The following MEIS2 variants were observed in gnomAD, a reference collection of about 807,000 sequenced individuals.
MEIS2 encodes the protein Meis homeobox 2.
Under a neutral mutation model 58.6 loss-of-function variants are expected in MEIS2, and 9 were observed. That is an observed-to-expected ratio of 0.15 (90% CI 0.09 to 0.27). MEIS2 has a LOEUF of 0.27. MEIS2 is among the 10% of genes least tolerant of loss of function. The probability of loss-of-function intolerance (pLI) is 1.00; values close to 1 mark genes in which losing one functional copy is unlikely to be tolerated. For synonymous variants in MEIS2, 221 were observed against 228.4 expected (o/e 0.97, Z 0.29); for missense variants, 427 against 635.0 (o/e 0.67, Z 3.52).
chr15:37,076,141 A>G (rs1891378668), intron 7 of MEIS2, among the ~76,000 whole-genome samples: 1 of 151,948 alleles, frequency 6.6e-6, no homozygotes, highest in South Asian at 2.1e-4. Context: ...TTAAAGGCCA[A>G]ATTAAAAGCA....
Position 36,895,185 on chromosome 15 carries a change from C to T in MEIS2, c.1113G>A (p.Leu371=), listed in dbSNP as rs764534816. 6.2e-7 allele frequency: 1 copy of T among 1,614,108 alleles called. No individual in the cohort carries two copies. Among genetic ancestry groups the T allele is most frequent in the Non-Finnish European group, 8.5e-7 (1 of 1,180,028 alleles). ...GGATCCCCATGTGTTGCTGACCATC[C>T]AACACAAAGCTCCCCATGGGCTGAC... The part of the protein sequence containing the change: ...PEGQPMGSFV[L]DGQQHMGIRP... Residue 371 remains leucine, a synonymous_variant, in exon 11 of 12, where the codon TTG becomes TTA. Transcript: ENST00000561208.
chr15:36,974,919 G>A (rs1236943352), intron 8 of MEIS2, among the ~76,000 whole-genome samples: 1 of 152,170 alleles, frequency 6.6e-6, no homozygotes, highest in African/African-American at 2.4e-5. Flanking sequence ...ACGTGCCCAA[G>A]AGAGAAGAGT....
intron 8 of MEIS2, among the ~76,000 whole-genome samples, chr15:37,000,492 CCA>C (rs2060682369): frequency 6.6e-6 from 1 of 152,094 alleles, no homozygotes; most frequent in African/African-American, 2.4e-5. Flanking sequence ...GGAGCAAACC[CCA>C]GTCTTGATAC....
At chr15:37,095,526 G>T (rs1458258520) in intron 4 of MEIS2, 38 bp downstream of exon 4, 8 of 1,614,010 alleles carry the variant, frequency 5.0e-6, no homozygotes, top group Middle Eastern at 1.6e-4. Context: ...ATGGGAGAGG[G>T]CAAAGGCTGG....
At chr15:36,984,560 A>T (rs939402443) in intron 8 of MEIS2, among the ~76,000 whole-genome samples, 1 of 151,982 alleles carries the variant, frequency 6.6e-6, no homozygotes, top group African/African-American at 2.4e-5. Context: ...TTTTTCTTGC[A>T]ATTTCCTTGT....
chr15:36,921,719 T>C lies in MEIS2; in HGVS notation c.978-25033A>G, dbSNP rs1245276203. On this transcript the variant is annotated intron_variant, in intron 9 of 11. Coordinates refer to ENST00000561208, the MANE Select transcript of MEIS2 (RefSeq NM_170675.5). ...TGATACGCTAGTGACCTCTTGGCAT[T>C]GTTGAAAAAAAAAAAAATGAAATGT... Among the ~76,000 whole-genome samples, 3 of 114,696 alleles carry C rather than the reference T, an allele frequency of 2.6e-5. No homozygotes were observed. The Admixed American group carries it at 3.0e-4, about 12-fold the overall frequency. 75.2% of individuals were successfully genotyped at this position (114,696 alleles called of 152,430 possible).
intron 8 of MEIS2, among the ~76,000 whole-genome samples, chr15:36,963,675 T>C (rs1400915360): frequency 6.6e-6 from 1 of 152,192 alleles, no homozygotes; most frequent in African/African-American, 2.4e-5. Flanking sequence ...TAAACCTATC[T>C]TCATTTTATT....
intron 8 of MEIS2, among the ~76,000 whole-genome samples, chr15:36,973,089 C>T (rs748630002): frequency 3.3e-5 from 5 of 152,202 alleles, no homozygotes; most frequent in Non-Finnish European, 7.3e-5. Flanking sequence ...ACTAAAGTCA[C>T]TTAATCTCTC....
chr15:36,982,635 C>T (rs1004680034), intron 8 of MEIS2, among the ~76,000 whole-genome samples: 1 of 152,158 alleles, frequency 6.6e-6, no homozygotes, highest in Non-Finnish European at 1.5e-5. Context: ...ATTTCTTTGA[C>T]ATACTGATTT....
intron 4 of MEIS2, among the ~76,000 whole-genome samples, 174 bp from the exon 5 acceptor site, chr15:37,094,751 T>C (rs527761211): frequency 1.3e-5 from 2 of 152,160 alleles, no homozygotes; most frequent in East Asian, 3.9e-4. Context: ...AAGTGATTAC[T>C]GATCATCTCT....
intron 9 of MEIS2, among the ~76,000 whole-genome samples, chr15:36,908,328 A>T (rs1026436736): frequency 3.3e-5 from 5 of 152,192 alleles, no homozygotes; most frequent in Non-Finnish European, 7.3e-5. Flanking sequence ...TATAAACCAC[A>T]AGAGACCTAG....
chr15:36,955,233 A>T (rs550743659), intron 8 of MEIS2, among the ~76,000 whole-genome samples: 1 of 152,364 alleles, frequency 6.6e-6, no homozygotes, highest in East Asian at 1.9e-4. Flanking sequence ...AGAAACAATT[A>T]AGATATTTTA....
chr15:37,076,505 G>A (rs538120537), intron 7 of MEIS2, among the ~76,000 whole-genome samples: 1 of 152,012 alleles, frequency 6.6e-6, no homozygotes, highest in African/African-American at 2.4e-5. Context: ...CTTTCATCTG[G>A]CACACAGCAC....
intron 7 of MEIS2, among the ~76,000 whole-genome samples, chr15:37,063,921 T>C (rs1346417797): frequency 2.0e-5 from 3 of 152,232 alleles, no homozygotes; most frequent in African/African-American, 7.2e-5. Context: ...GCAAGATCTG[T>C]GTTGAAATTC....
intron 7 of MEIS2, among the ~76,000 whole-genome samples, chr15:37,038,320 C>T (rs566470264): frequency 6.6e-6 from 1 of 152,324 alleles, no homozygotes; most frequent in East Asian, 1.9e-4. Flanking sequence ...TACAGCACAG[C>T]CATCCTGCCC....
At chr15:37,056,243 C>T (rs1888382487) in intron 7 of MEIS2, among the ~76,000 whole-genome samples, 1 of 152,160 alleles carries the variant, frequency 6.6e-6, no homozygotes, top group Non-Finnish European at 1.5e-5. Flanking sequence ...AGGTGTGTTA[C>T]AGTAGCCCAA....
chr15:36,894,646 G>T, intron 11 of MEIS2: 2 of 1,287,470 alleles, frequency 1.6e-6, no homozygotes, highest in Non-Finnish European at 2.2e-6. Context: ...ATAAAATGGG[G>T]GCAAATTATA....
At chr15:36,974,829 T>C (rs1412292139) in intron 8 of MEIS2, among the ~76,000 whole-genome samples, 1 of 152,230 alleles carries the variant, frequency 6.6e-6, no homozygotes, top group East Asian at 1.9e-4. Flanking sequence ...GAGTTTAGGA[T>C]AGACACACTC....
intron 8 of MEIS2, among the ~76,000 whole-genome samples, chr15:36,982,551 G>A (rs1164013760): frequency 1.3e-5 from 2 of 152,064 alleles, no homozygotes; most frequent in Non-Finnish European, 2.9e-5. Flanking sequence ...TTATTCATCT[G>A]TCAATAGATA....
Sources: gnomAD v4.1 joint callset for allele counts (sites outside exome capture counted in the v4.1 genomes callset) on GRCh38, gnomAD v4.1.1 for gene constraint, MANE v1.5 for transcripts, NCBI Gene and HGNC (gene_info 2026-07-23, HGNC 2026-07-21) for gene names.